Variants in PPARGC1A observed in about 807,000 individuals in gnomAD.
PPARGC1A encodes the protein peroxisome proliferator-activated receptor gamma coactivator 1-alpha.
In PPARGC1A, 25 loss-of-function variants were observed where a neutral mutation model predicts 88.7. The observed-to-expected ratio is 0.28, with a 90% CI of 0.21 to 0.39. The LOEUF (loss-of-function observed/expected upper bound fraction) is 0.39. Among genes scored for constraint, PPARGC1A ranks in the 10% least tolerant of loss-of-function variants. The pLI is 1.00. For missense variants in PPARGC1A, 880 were observed against 968.7 expected, an observed-to-expected ratio of 0.91 and a Z score of 1.22; for synonymous variants, 363 against 355.6, an observed-to-expected ratio of 1.02 and a Z score of -0.24.
chr4:24,351,221 C>A, the PPARGC1A span, among the ~76,000 whole-genome samples: 4 of 76,844 alleles, frequency 5.2e-5, no homozygotes, highest in African/African-American at 2.0e-4. Flanking sequence ...ACAGAGCAAA[C>A]CCTTGTATTT....
At chr4:24,279,254 T>C in the PPARGC1A span, among the ~76,000 whole-genome samples, 4 of 152,148 alleles carry the variant, frequency 2.6e-5, no homozygotes, top group Admixed American at 6.5e-5. Context: ...GCTACAAATA[T>C]GTGGTGCAGA....
chr4:24,174,267 T>C, the PPARGC1A span, among the ~76,000 whole-genome samples: 1 of 152,334 alleles, frequency 6.6e-6, no homozygotes, highest in East Asian at 1.9e-4. Flanking sequence ...AGGTTCTGTG[T>C]CATCACTACT....
the PPARGC1A span, among the ~76,000 whole-genome samples, chr4:24,325,163 C>T: frequency 3.9e-5 from 6 of 152,188 alleles, no homozygotes; most frequent in African/African-American, 1.4e-4. Flanking sequence ...GTTCATGGCT[C>T]GTTCCCCAGC....
chr4:24,350,756 T>C, the PPARGC1A span, among the ~76,000 whole-genome samples: 3 of 151,940 alleles, frequency 2.0e-5, no homozygotes, highest in African/African-American at 7.3e-5. Flanking sequence ...CGGCAGAACA[T>C]GGAGAGGGTA....
At chr4:24,118,768 G>A in the PPARGC1A span, among the ~76,000 whole-genome samples, 1 of 152,046 alleles carries the variant, frequency 6.6e-6, no homozygotes, top group Non-Finnish European at 1.5e-5. Context: ...ATACACATGG[G>A]ATATTTAAAG....
chr4:24,123,392 C>G, the PPARGC1A span, among the ~76,000 whole-genome samples: 1 of 152,126 alleles, frequency 6.6e-6, no homozygotes, highest in Admixed American at 6.5e-5. Context: ...TTGTTTTACA[C>G]AGTTGACTTT....
the PPARGC1A span, among the ~76,000 whole-genome samples, chr4:23,999,017 T>C: frequency 6.6e-6 from 1 of 152,206 alleles, no homozygotes; most frequent in Non-Finnish European, 1.5e-5. Context: ...TTTATTACAA[T>C]AAAAAGAGGA....
the PPARGC1A span, among the ~76,000 whole-genome samples, chr4:24,282,912 C>T: frequency 3.9e-5 from 6 of 152,082 alleles, no homozygotes; most frequent in African/African-American, 9.7e-5. Context: ...AATAAGCGGG[C>T]GATTAACAGA....
chr4:23,856,313 T>G (rs2148687017), intron 2 of PPARGC1A, among the ~76,000 whole-genome samples: 1 of 152,336 alleles, frequency 6.6e-6, no homozygotes, highest in Middle Eastern at 3.4e-3. Flanking sequence ...AGGCCACTTC[T>G]TGGTGTTTTC....
the PPARGC1A span, among the ~76,000 whole-genome samples, chr4:24,039,494 C>T: frequency 1.3e-5 from 2 of 152,190 alleles, no homozygotes; most frequent in Admixed American, 1.3e-4. Flanking sequence ...GCTCATATTG[C>T]TTAATCCCTT....
chr4:24,295,986 T>A, the PPARGC1A span, among the ~76,000 whole-genome samples: 2 of 82,400 alleles, frequency 2.4e-5, no homozygotes, highest in East Asian at 3.7e-4. Flanking sequence ...ACTGCCCAAC[T>A]ACTATATATG....
At chr4:24,147,346 C>G in the PPARGC1A span, among the ~76,000 whole-genome samples, 1 of 152,176 alleles carries the variant, frequency 6.6e-6, no homozygotes, top group African/African-American at 2.4e-5. Flanking sequence ...TTCCCAGCTT[C>G]CTGAATCAGA....
the PPARGC1A span, among the ~76,000 whole-genome samples, chr4:24,185,951 T>C: frequency 1.3e-5 from 2 of 151,540 alleles, no homozygotes; most frequent in Admixed American, 1.3e-4. Flanking sequence ...CATCCCTAGG[T>C]CAGATTCTAC....
At chr4:24,294,372 C>T in the PPARGC1A span, among the ~76,000 whole-genome samples, 1,681 of 152,154 alleles carry the variant, frequency 0.011, 35 homozygotes, top group African/African-American at 0.039. Flanking sequence ...ACAGTTCCTC[C>T]GTGGAAGGCT....
chr4:24,043,670 A>T, the PPARGC1A span, among the ~76,000 whole-genome samples: 1 of 152,278 alleles, frequency 6.6e-6, no homozygotes, highest in African/African-American at 2.4e-5. Flanking sequence ...GTAATAGTTT[A>T]TCTATTTGTA....
chr4:24,212,228 T>C, the PPARGC1A span, among the ~76,000 whole-genome samples: 57 of 152,358 alleles, frequency 3.7e-4, no homozygotes, highest in African/African-American at 1.3e-3. Flanking sequence ...CAAAGCAGCA[T>C]TGTTTACCGA....
At chr4:24,094,884 AG>A in the PPARGC1A span, among the ~76,000 whole-genome samples, 1 of 152,194 alleles carries the variant, frequency 6.6e-6, no homozygotes, top group Non-Finnish European at 1.5e-5. Flanking sequence ...CATCAAGGAA[AG>A]TATGTATAAT....
the PPARGC1A span, among the ~76,000 whole-genome samples, chr4:23,936,956 T>C: frequency 1.3e-5 from 2 of 152,152 alleles, no homozygotes; most frequent in Non-Finnish European, 2.9e-5. Context: ...AGCTCCTGCA[T>C]GTACTGAACA....
the PPARGC1A span, among the ~76,000 whole-genome samples, chr4:24,278,105 T>C: frequency 1.6e-4 from 24 of 151,956 alleles, no homozygotes; most frequent in Admixed American, 1.6e-3. Flanking sequence ...AGTTCGAAGC[T>C]GCCATAAGTT....
Sources: gnomAD v4.1 joint callset for allele counts (sites outside exome capture counted in the v4.1 genomes callset) on GRCh38, gnomAD v4.1.1 for gene constraint, MANE v1.5 for transcripts, NCBI Gene and HGNC (gene_info 2026-07-23, HGNC 2026-07-21) for gene names.